Variants in ACSL6 observed in about 807,000 individuals in gnomAD.
ACSL6 encodes the protein long-chain-fatty-acid--CoA ligase 6.
Under a neutral mutation model 98.2 loss-of-function variants are expected in ACSL6, and 47 were observed. The observed-to-expected ratio is 0.48, with a 90% CI of 0.38 to 0.61. The LOEUF (loss-of-function observed/expected upper bound fraction) is 0.61. Ranked by LOEUF, ACSL6 falls within the 20% of genes least tolerant of loss-of-function variation. The pLI is 0.00. For synonymous variants in ACSL6, 362 were observed against 336.9 expected, an observed-to-expected ratio of 1.07 and a Z score of -0.82; for missense variants, 761 against 913.4, an observed-to-expected ratio of 0.83 and a Z score of 2.15.
intron 19 of ACSL6, 80 bp downstream of exon 19, chr5:131,960,440 C>A: frequency 8.3e-7 from 1 of 1,211,660 alleles, no homozygotes; most frequent in South Asian, 1.6e-5. Context: ...TTTCACTGGT[C>A]TACAACTTTT....
Position 131,951,007 on chromosome 5 carries a change from C to G in ACSL6, c.*3227G>C, listed in dbSNP as rs1752130743. 5.1e-6 allele frequency: 1 copy of G among 196,028 alleles called. No homozygotes were observed. Among genetic ancestry groups the G allele is most frequent in the Non-Finnish European group, 1.1e-5 (1 of 94,488 alleles). 12.1% of individuals were successfully genotyped at this position (196,028 alleles called of 1,614,324 possible). On this transcript the variant is annotated 3_prime_UTR_variant, in exon 21 of 21. Transcript: ENST00000651883. Reference sequence around the variant, plus strand: ...CCTACACACTATACCTGACCAGAGTCCCGTCTCTCATTTGCAAGGGAAGTC... The same window carrying G: ...CCTACACACTATACCTGACCAGAGTGCCGTCTCTCATTTGCAAGGGAAGTC...
chr5:131,985,575 A>T, intron 8 of ACSL6, 117 bp from the exon 9 acceptor site: 1 of 1,074,122 alleles, frequency 9.3e-7, no homozygotes, highest in Admixed American at 1.9e-5. Context: ...GGGTGTGAGC[A>T]TGTGTTGGGC....
At chr5:132,002,257 C>T (rs911071913) in intron 1 of ACSL6, among the ~76,000 whole-genome samples, 8 of 152,186 alleles carry the variant, frequency 5.3e-5, no homozygotes, top group East Asian at 1.9e-4. Flanking sequence ...TTTGCCTTTC[C>T]GGCCATGTCC....
chr5:131,976,623 G>A, intron 10 of ACSL6, 25 bp downstream of exon 10: 1 of 1,592,816 alleles, frequency 6.3e-7, no homozygotes, highest in African/African-American at 1.3e-5. Context: ...AGAGACACCT[G>A]CAACAGTAAT....
chr5:131,957,882 A>G (rs1040255628), intron 20 of ACSL6, among the ~76,000 whole-genome samples: 1 of 152,236 alleles, frequency 6.6e-6, no homozygotes, highest in African/African-American at 2.4e-5. Context: ...ATAGACCAAC[A>G]AAGAGGAGAA....
intron 20 of ACSL6, among the ~76,000 whole-genome samples, chr5:131,958,745 T>C (rs1322362602): frequency 6.6e-6 from 1 of 152,118 alleles, no homozygotes; most frequent in African/African-American, 2.4e-5. Context: ...TTTTAGGTTA[T>C]TAAGCGAATA....
chr5:131,990,839 A>G lies in ACSL6; in HGVS notation c.385+14T>C, dbSNP rs1475247245. On this transcript the variant is annotated intron_variant, in intron 3 of 20. Transcript: ENST00000651883. ...ACACAGCCCCTCCACACCCCCCCCC[A>G]CAACCCTTCTCACCTGAGATGCTAA... The G allele has an allele frequency of 7.7e-7, 1 of 1,305,018 alleles. No homozygotes were observed. 80.8% of individuals were successfully genotyped at this position (1,305,018 alleles called of 1,614,324 possible). A position where few individuals can be genotyped will look rare whatever the true frequency, so the allele number is the denominator to read the frequency against.
intron 1 of ACSL6, among the ~76,000 whole-genome samples, chr5:131,997,913 C>T (rs1490466141): frequency 6.6e-6 from 1 of 152,214 alleles, no homozygotes; most frequent in Non-Finnish European, 1.5e-5. Context: ...ACCTGGGAGC[C>T]ACTGCAAGGC....
intron 18 of ACSL6, among the ~76,000 whole-genome samples, chr5:131,961,689 T>C (rs1013511168): frequency 2.0e-5 from 3 of 151,180 alleles, no homozygotes; most frequent in African/African-American, 4.9e-5. Flanking sequence ...AGAGTGAATA[T>C]ATTTGATATC....
chr5:131,991,198 T>G (rs1754494092), intron 2 of ACSL6, among the ~76,000 whole-genome samples: 1 of 152,170 alleles, frequency 6.6e-6, no homozygotes, highest in South Asian at 2.1e-4. Context: ...AAAGGCCGGG[T>G]ATACCAGTGT....
rs1198629404 is a variant in ACSL6 at position 131,985,425 on chromosome 5, AAC to A, written c.896_897del (p.Cys299PhefsTer22). 6.2e-7 allele frequency: 1 copy of A among 1,614,018 alleles called. No homozygotes were observed. Among genetic ancestry groups the A allele is most frequent in the Non-Finnish European group, 8.5e-7 (1 of 1,180,014 alleles). On this transcript the variant is annotated frameshift_variant, in exon 9 of 21. Transcript: ENST00000651883. LOFTEE classifies it high-confidence loss of function. ...PPQPDDLSIV[C>X]FTSGTTGNPK... The stretch of plus-strand genomic sequence containing the variant: ...TGCTTACCTGTCGTGCCGCTTGTGA[AAC>A]ACACAATGGAGAGGTCATCAGGCTG...
chr5:131,971,417 C>T (rs1753300293), intron 14 of ACSL6, 133 bp downstream of exon 14: 1 of 692,834 alleles, frequency 1.4e-6, no homozygotes, highest in Non-Finnish European at 2.1e-6. Context: ...TTTTTTCCTC[C>T]TCAGAGGAGG....
intron 1 of ACSL6, among the ~76,000 whole-genome samples, chr5:132,000,916 A>C (rs1380426238): frequency 6.6e-6 from 1 of 152,176 alleles, no homozygotes; most frequent in Non-Finnish European, 1.5e-5. Context: ...CCTGGAGCAG[A>C]TAACAGCTTC....
At chr5:132,000,775 C>T (rs1279291299) in intron 1 of ACSL6, among the ~76,000 whole-genome samples, 1 of 152,180 alleles carries the variant, frequency 6.6e-6, no homozygotes, top group African/African-American at 2.4e-5. Context: ...GGCCACTGTC[C>T]ACCCAAATTT....
In ACSL6 at chr5:131,970,160, C is replaced by T. The variant is rs200182361; in HGVS notation, c.1475G>A (p.Cys492Tyr). The change falls in exon 15 of 21, where the codon TGT becomes TAT. Residue 492 changes from cysteine to tyrosine, a missense_variant. Transcript: ENST00000651883. ...CCAGTCGCCAGGAGTGGTGAAGGTA[C>T]ATCCAGCTGTGCACTCAGTTTGGCC... is the stretch of plus-strand genomic sequence containing the variant. ...GYGQTECTAG[C>Y]TFTTPGDWTS... is the part of the protein sequence containing the mutation. The T allele has an allele frequency of 6.2e-7, 1 of 1,614,164 alleles. No individual in the cohort carries two copies. The highest frequency in any genetic ancestry group is 2.2e-5 in the East Asian group (1 of 44,874).
rs577574816 is a variant in ACSL6 at position 132,005,951 on chromosome 5, G to A, written c.49+5554C>T. Among the ~76,000 whole-genome samples, 3 of 152,304 alleles carry A rather than the reference G, an allele frequency of 2.0e-5. No individual in the cohort carries two copies. In the South Asian group the frequency reaches 6.2e-4, roughly 32 times the overall value. On this transcript the variant is annotated intron_variant, in intron 1 of 20. Coordinates refer to ENST00000651883, the MANE Select transcript of ACSL6 (RefSeq NM_001009185.3). ...ACTAAGTCTGTTCCTGGCCCTAACA[G>A]GTGCCAGCCCACATTTGCTTATACC...
At chr5:132,000,438 C>T (rs1755025349) in intron 1 of ACSL6, among the ~76,000 whole-genome samples, 1 of 151,262 alleles carries the variant, frequency 6.6e-6, no homozygotes, top group Non-Finnish European at 1.5e-5. Flanking sequence ...AGTCCTGCAG[C>T]ACCTCTGCCA....
In ACSL6 at chr5:131,988,845, GT is replaced by G. The variant is rs1174656442; in HGVS notation, c.611del (p.Asp204AlafsTer20). 6.2e-7 allele frequency: 1 copy of G among 1,613,790 alleles called. No individual in the cohort carries two copies. Among genetic ancestry groups the G allele is most frequent in the Non-Finnish European group, 8.5e-7 (1 of 1,179,980 alleles). The stretch of plus-strand genomic sequence containing the variant: ...AGCGGATAGCCCCAGGGCCCAGGGT[GT>G]CATAGAGCGGGACCACCACCATGGA... ...TYSMVVVPLY[D>X]TLGPGAIRYI... On this transcript the variant is annotated frameshift_variant, in exon 6 of 21. Transcript: ENST00000651883. LOFTEE classifies it high-confidence loss of function.
chr5:131,986,101 G>A (rs1754163282), intron 8 of ACSL6, among the ~76,000 whole-genome samples: 1 of 152,232 alleles, frequency 6.6e-6, no homozygotes, highest in Non-Finnish European at 1.5e-5. Context: ...TTTGGGGAGA[G>A]GAACCAGCCT....
Sources: gnomAD v4.1 joint callset for allele counts (sites outside exome capture counted in the v4.1 genomes callset) on GRCh38, gnomAD v4.1.1 for gene constraint, MANE v1.5 for transcripts, NCBI Gene and HGNC (gene_info 2026-07-23, HGNC 2026-07-21) for gene names.